EPB41L2: variants seen among roughly 807,000 people sequenced by gnomAD.
EPB41L2 encodes erythrocyte membrane protein band 4.1 like 2.
A neutral mutation model predicts 113.0 loss-of-function variants in EPB41L2; 43 were observed. That is an observed-to-expected ratio of 0.38 (90% confidence interval 0.30 to 0.49). The LOEUF (loss-of-function observed/expected upper bound fraction) is 0.49. EPB41L2 is among the 20% of genes least tolerant of loss of function. The probability of loss-of-function intolerance (pLI) is 0.95; values close to 1 mark genes in which losing one functional copy is unlikely to be tolerated. For synonymous variants in EPB41L2, 442 were observed against 436.7 expected, an observed-to-expected ratio of 1.01 and a Z score of -0.15; for missense variants, 1,147 against 1,223.4, an observed-to-expected ratio of 0.94 and a Z score of 0.93.
intron 19 of EPB41L2, among the ~76,000 whole-genome samples, chr6:130,847,014 A>G (rs1322995696): frequency 6.6e-6 from 1 of 152,180 alleles, no homozygotes; most frequent in Non-Finnish European, 1.5e-5. Context: ...GAAGCTTTTC[A>G]GTCAATCATA....
At chr6:130,880,275 A>C (rs1021156412) in intron 12 of EPB41L2, 69 bp from the exon 13 acceptor site, 7 of 1,093,898 alleles carry the variant, frequency 6.4e-6, no homozygotes, top group Non-Finnish European at 9.7e-6. Context: ...AGCAAGCACC[A>C]AAATGACCCA....
intron 1 of EPB41L2, among the ~76,000 whole-genome samples, chr6:130,999,432 T>C (rs978713764): frequency 1.3e-5 from 2 of 152,228 alleles, no homozygotes; most frequent in African/African-American, 2.4e-5. Context: ...TTATCCAAGA[T>C]AACCATCTTA....
At chr6:130,989,859 G>C (rs1211564587) in intron 1 of EPB41L2, among the ~76,000 whole-genome samples, 1 of 152,124 alleles carries the variant, frequency 6.6e-6, no homozygotes, top group Admixed American at 6.5e-5. Flanking sequence ...AAGACATTTG[G>C]GAATTAAGAG....
intron 1 of EPB41L2, among the ~76,000 whole-genome samples, chr6:130,986,774 G>A (rs1780659054): frequency 6.6e-6 from 1 of 151,980 alleles, no homozygotes; most frequent in Non-Finnish European, 1.5e-5. Context: ...AGTAGTAATG[G>A]TTGAACATTT....
At chr6:130,932,953 C>CT (rs1807414140) in intron 3 of EPB41L2, among the ~76,000 whole-genome samples, 1 of 152,252 alleles carries the variant, frequency 6.6e-6, no homozygotes, top group South Asian at 2.1e-4. Flanking sequence ...CAAACACACA[C>CT]TGCCAACTAG....
At chr6:131,024,549 G>A (rs1457500528) in intron 1 of EPB41L2, among the ~76,000 whole-genome samples, 4 of 152,186 alleles carry the variant, frequency 2.6e-5, no homozygotes, top group African/African-American at 9.7e-5. Flanking sequence ...CTATTCACCA[G>A]CACACAGTAA....
In EPB41L2 at chr6:130,988,638, C is replaced by T. The variant is rs534550794; in HGVS notation, c.-14-32139G>A. Among the ~76,000 whole-genome samples the T allele has an allele frequency of 9.9e-5, 15 of 152,264 alleles. 1 individual carries two copies. In the South Asian group the frequency reaches 2.1e-3, roughly 21 times the overall value. Reference sequence around the variant, plus strand: ...GAATAGCATCAAGGTGCTCTAAGAACTAAACATGGTAGACCAAGTCTACCT... The same window carrying T: ...GAATAGCATCAAGGTGCTCTAAGAATTAAACATGGTAGACCAAGTCTACCT... On this transcript the variant is annotated intron_variant, in intron 1 of 19. Transcript: ENST00000337057.
At chr6:130,863,356 C>G (rs1782741777) in intron 18 of EPB41L2, among the ~76,000 whole-genome samples, 1 of 152,180 alleles carries the variant, frequency 6.6e-6, no homozygotes, top group South Asian at 2.1e-4. Context: ...TGCCTTTAAA[C>G]CAGGCCCACA....
chr6:130,993,175 A>T (rs1052707546), intron 1 of EPB41L2, among the ~76,000 whole-genome samples: 1 of 152,308 alleles, frequency 6.6e-6, no homozygotes, highest in African/African-American at 2.4e-5. Context: ...ATTTGATCCT[A>T]GTCACCTTTA....
chr6:130,967,310 C>A (rs1173019384), intron 1 of EPB41L2, among the ~76,000 whole-genome samples: 1 of 150,774 alleles, frequency 6.6e-6, no homozygotes, highest in African/African-American at 2.5e-5. Context: ...GAAAAAAAAA[C>A]TCACATATAA....
chr6:131,020,669 G>A (rs1789247889), intron 1 of EPB41L2, among the ~76,000 whole-genome samples: 1 of 152,092 alleles, frequency 6.6e-6, no homozygotes, highest in African/African-American at 2.4e-5. Flanking sequence ...TCTTTAGATG[G>A]GGTCAACCAA....
chr6:131,047,394 A>C (rs1471438683), intron 1 of EPB41L2, among the ~76,000 whole-genome samples: 1 of 152,218 alleles, frequency 6.6e-6, no homozygotes, highest in African/African-American at 2.4e-5. Context: ...AGTGTCTGAC[A>C]TATATTAAGT....
chr6:130,847,674 T>A (rs1235318026), intron 19 of EPB41L2, among the ~76,000 whole-genome samples: 1 of 152,222 alleles, frequency 6.6e-6, no homozygotes, highest in Non-Finnish European at 1.5e-5. Context: ...TAACTATATC[T>A]ATGATATCCC....
At chr6:130,989,783 G>C (rs76284478) in intron 1 of EPB41L2, among the ~76,000 whole-genome samples, 3 of 152,222 alleles carry the variant, frequency 2.0e-5, no homozygotes, top group African/African-American at 7.2e-5. Context: ...TAGGGAAAGT[G>C]TCAGTGGAAC....
chr6:130,988,363 C>T (rs1351904738), intron 1 of EPB41L2, among the ~76,000 whole-genome samples: 1 of 152,112 alleles, frequency 6.6e-6, no homozygotes, highest in Non-Finnish European at 1.5e-5. Flanking sequence ...GAAAAGATTA[C>T]AGAAATCAAG....
chr6:130,888,172 T>C (rs757221599), intron 11 of EPB41L2, among the ~76,000 whole-genome samples: 2 of 152,142 alleles, frequency 1.3e-5, no homozygotes, highest in Non-Finnish European at 2.9e-5. Flanking sequence ...AAATAAAAGC[T>C]CAGTGCCAGG....
chr6:130,869,777 C>G lies in EPB41L2; in HGVS notation c.2393G>C (p.Ser798Thr). 6.2e-7 allele frequency: 1 copy of G among 1,614,066 alleles called. No homozygotes were observed. Among genetic ancestry groups the G allele is most frequent in the Middle Eastern group, 1.6e-4 (1 of 6,062 alleles). ...ACTGGCACCTGCTTGTGTGACTGGG[C>G]TGGCTTCGGGCACTGCTTCCTCCCT... ...VEREEAVPEA[S>T]PVTQAGASVI... Residue 798 changes from serine to threonine, a missense_variant, in exon 15 of 20, where the codon AGC becomes ACC. Ser to Thr is a moderately conservative substitution (Grantham distance 58, BLOSUM62 1). Transcript: ENST00000337057.
chr6:131,044,671 T>C (rs1211016607), intron 1 of EPB41L2, among the ~76,000 whole-genome samples: 1 of 152,160 alleles, frequency 6.6e-6, no homozygotes, highest in African/African-American at 2.4e-5. Context: ...CCTTCAAGCC[T>C]TGGGAAAGCA....
intron 1 of EPB41L2, among the ~76,000 whole-genome samples, chr6:131,052,784 G>C (rs1796818111): frequency 1.3e-5 from 2 of 152,124 alleles, no homozygotes; most frequent in Admixed American, 1.3e-4. Flanking sequence ...ACAGGAGTAA[G>C]CAGACCTCAG....
Sources: allele counts gnomAD v4.1 joint callset (sites outside exome capture counted in the v4.1 genomes callset), GRCh38; gene constraint gnomAD v4.1.1; transcripts MANE v1.5; gene names NCBI Gene and HGNC (gene_info 2026-07-23, HGNC 2026-07-21).